The following ABCB1 variants were observed in gnomAD, a reference collection of about 807,000 sequenced individuals.
The protein encoded by ABCB1 is ATP-dependent translocase ABCB1.
ABCB1 carries 69 observed loss-of-function variants against 142.0 expected under a neutral mutation model. The observed-to-expected ratio is 0.49, with a 90% CI of 0.40 to 0.59. The LOEUF is 0.59. ABCB1 is among the 20% of genes least tolerant of loss of function. The pLI, the probability that ABCB1 is intolerant of heterozygous loss-of-function variation, is 0.00. For synonymous variants in ABCB1, 532 were observed against 539.2 expected (o/e 0.99, Z 0.18); for missense variants, 1,326 against 1,554.7 (o/e 0.85, Z 2.47).
chr7:87,509,187 T>C, intron 26 of ABCB1, 88 bp downstream of exon 26: 1 of 1,383,760 alleles, frequency 7.2e-7, no homozygotes, highest in South Asian at 1.2e-5. Flanking sequence ...TTCTCTTCAC[T>C]TCTGGGAGAC....
At chr7:87,562,416 A>T (rs1263937384) in intron 7 of ABCB1, among the ~76,000 whole-genome samples, 1 of 152,182 alleles carries the variant, frequency 6.6e-6, no homozygotes, top group Non-Finnish European at 1.5e-5. Context: ...TAGGGTGGCC[A>T]GCGCCATCCC....
chr7:87,537,587 G>C (rs541971112), intron 19 of ABCB1, among the ~76,000 whole-genome samples: 2 of 152,188 alleles, frequency 1.3e-5, no homozygotes, highest in African/African-American at 4.8e-5. Flanking sequence ...GGCTGGTGGG[G>C]AGGGGAAGAG....
intron 1 of ABCB1, among the ~76,000 whole-genome samples, chr7:87,696,024 G>A (rs1268335342): frequency 6.6e-6 from 1 of 152,078 alleles, no homozygotes; most frequent in East Asian, 1.9e-4. Context: ...TTCACCATTT[G>A]TTTCTGTGCC....
chr7:87,704,139 T>G (rs1829386752), intron 1 of ABCB1, among the ~76,000 whole-genome samples: 2 of 152,198 alleles, frequency 1.3e-5, no homozygotes, highest in South Asian at 4.2e-4. Context: ...CAGGCTGGTC[T>G]CGAACTCCTG....
At chr7:87,521,770 A>G in intron 21 of ABCB1, 1 of 831,016 alleles carries the variant, frequency 1.2e-6, no homozygotes, top group Non-Finnish European at 2.1e-6. Context: ...TGCCCACCCA[A>G]CTGTGAAAAA....
chr7:87,667,787 T>C (rs1825411090), intron 1 of ABCB1, among the ~76,000 whole-genome samples: 1 of 152,150 alleles, frequency 6.6e-6, no homozygotes, highest in African/African-American at 2.4e-5. Context: ...TGAATCATGT[T>C]TATTGATTTG....
intron 3 of ABCB1, among the ~76,000 whole-genome samples, chr7:87,587,575 A>C (rs1322403458): frequency 6.6e-6 from 1 of 152,116 alleles, no homozygotes; most frequent in Non-Finnish European, 1.5e-5. Context: ...CCAGCTTTGA[A>C]AGTTTACCAA....
At chr7:87,521,310 G>A (rs1178816826) in intron 21 of ABCB1, among the ~76,000 whole-genome samples, 1 of 152,196 alleles carries the variant, frequency 6.6e-6, no homozygotes, top group Non-Finnish European at 1.5e-5. Flanking sequence ...ATTGAAGAAT[G>A]TTTGGAAAAT....
At chr7:87,603,273 T>C (rs1819529477), upstream of ABCB1, 1 of 152,234 alleles carries the variant, frequency 6.6e-6, no homozygotes, top group Non-Finnish European at 1.5e-5. Context: ...ATGAAGTAGT[T>C]ACTATTTTTG....
Position 87,550,187 on chromosome 7 carries a change from T to C in ABCB1, c.1334A>G (p.Asp445Gly). The change falls in exon 12 of 28, where the codon GAC becomes GGC. Residue 445 changes from aspartate (D) to glycine (G), a missense_variant. Asp to Gly is a moderately conservative substitution (Grantham distance 94). Transcript: ENST00000622132. ...TTVQLMQRLY[D>G]PTEGMVSVDG... ...TCATCTCACCATCCCCTCTGTGGGGTCATAGAGCCTCTGCATCAGCTGGAC... is the reference window on the plus strand; with the variant it reads ...TCATCTCACCATCCCCTCTGTGGGGCCATAGAGCCTCTGCATCAGCTGGAC... 1 of 1,614,136 alleles carries C rather than the reference T, an allele frequency of 6.2e-7. No individual in the cohort carries two copies. Among genetic ancestry groups the C allele is most frequent in the Non-Finnish European group, 8.5e-7 (1 of 1,180,034 alleles).
intron 1 of ABCB1, among the ~76,000 whole-genome samples, chr7:87,674,079 C>T (rs1330998721): frequency 6.6e-6 from 1 of 152,176 alleles, no homozygotes; most frequent in Non-Finnish European, 1.5e-5. Flanking sequence ...GAAGCTGCTG[C>T]ACTGGAAGGG....
At chr7:87,692,263 C>T (rs979176445) in intron 1 of ABCB1, among the ~76,000 whole-genome samples, 4 of 152,040 alleles carry the variant, frequency 2.6e-5, no homozygotes, top group African/African-American at 9.7e-5. Flanking sequence ...CCAGCCTGAG[C>T]AACATAGCAA....
At chr7:87,533,490 T>G in intron 20 of ABCB1, among the ~76,000 whole-genome samples, 1 of 152,182 alleles carries the variant, frequency 6.6e-6, no homozygotes, top group East Asian at 1.9e-4. Flanking sequence ...AAAGAGTAAC[T>G]AAGAAGTCTA....
intron 27 of ABCB1, among the ~76,000 whole-genome samples, chr7:87,505,680 T>TA (rs1265419899): frequency 6.6e-6 from 1 of 152,198 alleles, no homozygotes; most frequent in Non-Finnish European, 1.5e-5. Context: ...CAAACTGATC[T>TA]AGTGATGGTT....
chr7:87,568,061 C>T (rs1230050186), intron 5 of ABCB1, among the ~76,000 whole-genome samples: 2 of 150,818 alleles, frequency 1.3e-5, no homozygotes, highest in Non-Finnish European at 3.0e-5. Context: ...CGAGATCGTG[C>T]CACTGCACTC....
chr7:87,536,040 C>T (rs773069562), intron 20 of ABCB1, among the ~76,000 whole-genome samples: 5 of 152,140 alleles, frequency 3.3e-5, no homozygotes, highest in African/African-American at 7.2e-5. Flanking sequence ...TTTTAATGTG[C>T]TTTTCATTTC....
At chr7:87,577,077 C>A (rs962241063) in intron 4 of ABCB1, among the ~76,000 whole-genome samples, 1 of 152,146 alleles carries the variant, frequency 6.6e-6, no homozygotes, top group African/African-American at 2.4e-5. Flanking sequence ...CCCCACTACA[C>A]TTCCCGGCCT....
In ABCB1 at chr7:87,545,005, A is replaced by G. The variant is rs1479938674; in HGVS notation, c.1888-6T>C. On this transcript the variant is annotated splice_region_variant and splice_polypyrimidine_tract_variant and intron_variant, in intron 15 of 27. Transcript: ENST00000622132. Reference sequence around the variant, plus strand: ...TCAACTTCATTTCCTGCTGTCTAAAATAAATAAGAAATATGCAAAAGCTCA... The same window carrying G: ...TCAACTTCATTTCCTGCTGTCTAAAGTAAATAAGAAATATGCAAAAGCTCA... The G allele has an allele frequency of 6.2e-7, 1 of 1,613,080 alleles. No homozygotes were observed. The highest frequency in any genetic ancestry group is 8.5e-7 in the Non-Finnish European group (1 of 1,179,658).
At chr7:87,530,044 TAAAG>T (rs1283958734) in intron 21 of ABCB1, among the ~76,000 whole-genome samples, 1 of 152,188 alleles carries the variant, frequency 6.6e-6, no homozygotes, top group African/African-American at 2.4e-5. Context: ...AAAAATGGGA[TAAAG>T]AGTCTGAAGA....
Sources: gnomAD v4.1 joint callset for allele counts (sites outside exome capture counted in the v4.1 genomes callset) on GRCh38, gnomAD v4.1.1 for gene constraint, MANE v1.5 for transcripts, NCBI Gene and HGNC (gene_info 2026-07-23, HGNC 2026-07-21) for gene names.